Variants in RREB1 observed in about 807,000 individuals in gnomAD.
RREB1 encodes the protein ras-responsive element-binding protein 1.
RREB1 carries 27 observed loss-of-function variants against 117.8 expected under a neutral mutation model. The ratio of observed to expected loss-of-function variants is 0.23; its 90% CI spans 0.17 to 0.32. The LOEUF (loss-of-function observed/expected upper bound fraction) is 0.32. RREB1 is among the 10% of genes least tolerant of loss of function. The pLI, the probability that RREB1 is intolerant of heterozygous loss-of-function variation, is 1.00. For synonymous variants in RREB1, 1,298 were observed against 1,026.7 expected (o/e 1.26, Z -5.05); for missense variants, 2,577 against 2,378.2 (o/e 1.08, Z -1.74).
intron 1 of RREB1, among the ~76,000 whole-genome samples, chr6:7,166,322 C>T (rs1763926322): frequency 6.6e-6 from 1 of 152,226 alleles, no homozygotes; most frequent in Non-Finnish European, 1.5e-5. Flanking sequence ...TTAAGAAAAC[C>T]CATTTGCTTG....
At chr6:7,174,617 TTA>T (rs1432387668) in intron 1 of RREB1, among the ~76,000 whole-genome samples, 1 of 152,200 alleles carries the variant, frequency 6.6e-6, no homozygotes, top group Non-Finnish European at 1.5e-5. Flanking sequence ...TTTATTGTAT[TTA>T]TTTATTTTTT....
intron 1 of RREB1, among the ~76,000 whole-genome samples, chr6:7,142,251 T>C (rs532858037): frequency 7.3e-4 from 110 of 149,724 alleles, no homozygotes; most frequent in Admixed American, 1.9e-3. Flanking sequence ...TTTCTGAGAA[T>C]GGAGGTGGAG....
intron 1 of RREB1, among the ~76,000 whole-genome samples, chr6:7,146,080 C>T (rs1762842143): frequency 6.6e-6 from 1 of 151,942 alleles, no homozygotes; most frequent in Non-Finnish European, 1.5e-5. Flanking sequence ...AATACATCTT[C>T]AGACTATACT....
At chr6:7,226,139 G>A (rs779470777) in intron 8 of RREB1, among the ~76,000 whole-genome samples, 11 of 152,188 alleles carry the variant, frequency 7.2e-5, no homozygotes, top group Non-Finnish European at 1.5e-4. Context: ...ATGCCTGATC[G>A]AGGCGAGAGC....
intron 11 of RREB1, among the ~76,000 whole-genome samples, chr6:7,244,449 G>A (rs376416900): frequency 6.6e-6 from 1 of 151,976 alleles, no homozygotes. Flanking sequence ...CAAATTGAGC[G>A]TTCTGTATTT....
intron 1 of RREB1, among the ~76,000 whole-genome samples, chr6:7,125,759 G>A (rs141838415): frequency 8.0e-4 from 121 of 152,154 alleles, no homozygotes; most frequent in Non-Finnish European, 1.3e-3. Context: ...TCTGGGAGGT[G>A]TTGTTTCTTT....
At chr6:7,187,086 A>G (rs776219065) in intron 4 of RREB1, among the ~76,000 whole-genome samples, 10 of 151,964 alleles carry the variant, frequency 6.6e-5, no homozygotes, top group Non-Finnish European at 2.9e-5. Flanking sequence ...CCGTGAGTCA[A>G]TGCTTAATTT....
intron 1 of RREB1, among the ~76,000 whole-genome samples, chr6:7,166,334 C>T (rs1763926916): frequency 6.6e-6 from 1 of 152,248 alleles, no homozygotes; most frequent in Non-Finnish European, 1.5e-5. Context: ...ATTTGCTTGC[C>T]AGTGTTTTTG....
intron 8 of RREB1, chr6:7,216,784 C>G (rs1033786542): frequency 2.0e-5 from 3 of 152,350 alleles, no homozygotes; most frequent in African/African-American, 7.2e-5. Context: ...TTAAACACTT[C>G]CGGGGGCTAT....
chr6:7,238,920 G>A (rs991050377), intron 10 of RREB1, among the ~76,000 whole-genome samples: 6 of 152,212 alleles, frequency 3.9e-5, no homozygotes, highest in Non-Finnish European at 8.8e-5. Context: ...TGAAATTGTG[G>A]CCATGCTGTC....
intron 1 of RREB1, among the ~76,000 whole-genome samples, chr6:7,174,526 A>G (rs752012497): frequency 1.5e-4 from 23 of 152,206 alleles, no homozygotes; most frequent in African/African-American, 4.8e-4. Flanking sequence ...GAGGCAGCAG[A>G]TCTAAATTTT....
intron 1 of RREB1, among the ~76,000 whole-genome samples, chr6:7,154,109 A>G (rs1763251876): frequency 6.6e-6 from 1 of 152,212 alleles, no homozygotes; most frequent in African/African-American, 2.4e-5. Context: ...TTGAGCAGTG[A>G]GCATCTTTGC....
rs1405754560 is a variant in RREB1, at chr6:7,230,469, C to T, written c.2370C>T (p.Phe790=). 4 of 1,594,276 alleles carry T rather than the reference C, an allele frequency of 2.5e-6. No individual in the cohort carries two copies. Among genetic ancestry groups the T allele is most frequent in the Non-Finnish European group, 3.4e-6 (4 of 1,177,238 alleles). The change falls in exon 10 of 13, where the codon TTC becomes TTT. Residue 790 remains phenylalanine, a synonymous_variant. Transcript: ENST00000379938. ...LGGGHKGRKP[F]ECKECSAAFA... is the part of the protein sequence containing the mutation. ...GGGGCCACAAGGGCCGCAAGCCCTT[C>T]GAGTGCAAGGAGTGCAGCGCCGCGT...
chr6:7,223,257 TAAAAA>T (rs59558597), intron 8 of RREB1, among the ~76,000 whole-genome samples: 5 of 97,290 alleles, frequency 5.1e-5, no homozygotes, highest in African/African-American at 8.1e-5. Context: ...ACTCTCTTTT[TAAAAA>T]AAAAAAAAAA....
rs143633215 is a variant in RREB1 at position 7,237,424 on chromosome 6, C to T, written c.3809-3014C>T. ...ATTATTTGTTATAGAGACAAGGTCT[C>T]ACTGTGTTGCCCAAGTTGGTCTTAA... On this transcript the variant is annotated intron_variant, in intron 10 of 12. Transcript: ENST00000379938. Among the ~76,000 whole-genome samples the T allele has an allele frequency of 3.1e-3, 464 of 151,670 alleles. 3 individuals carry two copies. Among genetic ancestry groups the T allele is most frequent in the African/African-American group, 0.011 (449 of 41,276 alleles).
intron 6 of RREB1, among the ~76,000 whole-genome samples, chr6:7,193,251 CAT>C (rs1205863945): frequency 1.3e-5 from 2 of 152,200 alleles, no homozygotes; most frequent in African/African-American, 2.4e-5. Flanking sequence ...TATCACCTAA[CAT>C]ATGGTTTATC....
chr6:7,248,390 G>C (rs998630874), intron 12 of RREB1, 121 bp from the exon 13 acceptor site: 2 of 784,968 alleles, frequency 2.5e-6, no homozygotes, highest in Non-Finnish European at 4.1e-6. Flanking sequence ...CTCTGGCTGA[G>C]TAGGACGGAG....
intron 1 of RREB1, among the ~76,000 whole-genome samples, chr6:7,176,047 G>T (rs1413171949): frequency 2.0e-5 from 3 of 152,180 alleles, no homozygotes; most frequent in East Asian, 3.8e-4. Flanking sequence ...CTCCAGAGTA[G>T]CTGGGACTAC....
chr6:7,247,244 C>T (rs1474968037), intron 12 of RREB1, 23 bp downstream of exon 12: 1 of 1,595,038 alleles, frequency 6.3e-7, no homozygotes, highest in Admixed American at 1.7e-5. Context: ...GGCCAGGTCC[C>T]CGGCCCAACA....
Sources: allele counts gnomAD v4.1 joint callset (sites outside exome capture counted in the v4.1 genomes callset), GRCh38; gene constraint gnomAD v4.1.1; transcripts MANE v1.5; gene names NCBI Gene and HGNC (gene_info 2026-07-23, HGNC 2026-07-21).